The following IGFN1 variants were observed in gnomAD, a reference collection of about 807,000 sequenced individuals.
IGFN1 encodes the protein immunoglobulin like and fibronectin type III domain containing 1.
In IGFN1, 253 loss-of-function variants were observed where a neutral mutation model predicts 289.5. That is an observed-to-expected ratio of 0.87 (90% CI 0.79 to 0.97). The LOEUF is 0.97. Ranked by LOEUF, IGFN1 falls within the 50% of genes least tolerant of loss-of-function variation. The pLI, the probability that IGFN1 is intolerant of heterozygous loss-of-function variation, is 0.00. For missense variants in IGFN1, 4,470 were observed against 4,686.1 expected (o/e 0.95, Z 1.35); for synonymous variants, 1,706 against 1,788.5 (o/e 0.95, Z 1.16).
intron 17 of IGFN1, among the ~76,000 whole-genome samples, chr1:201,217,960 G>T (rs1653440631): frequency 6.6e-6 from 1 of 152,236 alleles, no homozygotes; most frequent in Non-Finnish European, 1.5e-5. Context: ...GAAACAAACT[G>T]CATTCTGAGA....
Position 201,205,085 on chromosome 1 carries a change from T to TC in IGFN1, c.926dup (p.Arg310LysfsTer12), listed in dbSNP as rs1343780347. 2.6e-6 allele frequency: 4 copies of TC among 1,537,052 alleles called. No homozygotes were observed. Among genetic ancestry groups the TC allele is most frequent in the South Asian group, 1.2e-5 (1 of 83,290 alleles). ...CCCATTCCTATTTCCCCGGCAGCCA[T>TC]CCCCCCAAGAGTGGTGGTCCCACTG... On this transcript the variant is annotated frameshift_variant, in exon 11 of 24. Transcript: ENST00000335211. LOFTEE classifies it high-confidence loss of function.
Position 201,203,830 on chromosome 1 carries a change from G to T in IGFN1, c.840G>T (p.Leu280=), listed in dbSNP as rs555987950. The change falls in exon 10 of 24, where the codon CTG becomes CTT. Residue 280 remains leucine (L), a synonymous_variant. Transcript: ENST00000335211. ...GKRYEFQIQD[L]RPEDSGIYQV... ...GCTATGAGTTCCAGATTCAAGACCTGAGGCCTGAGGACTCTGGCATTTACC... is the reference window on the plus strand; with the variant it reads ...GCTATGAGTTCCAGATTCAAGACCTTAGGCCTGAGGACTCTGGCATTTACC... 39 of 1,551,702 alleles carry T rather than the reference G, an allele frequency of 2.5e-5. 2 individuals carry two copies. The Admixed American group carries it at 7.6e-4, about 30-fold the overall frequency.
Position 201,217,300 on chromosome 1 carries a change from C to T in IGFN1, c.9609C>T (p.Ala3203=), listed in dbSNP as rs764098234. The change falls in exon 17 of 24, where the codon GCC becomes GCT. Residue 3203 remains alanine (A), a synonymous_variant. Coordinates refer to ENST00000335211, the MANE Select transcript of IGFN1 (RefSeq NM_001164586.2). ...ILVAPEALPK[A]PSAPAILSAS... is the part of the protein sequence containing the mutation. ...TCTTACCCCCAGCTCTCCCCAAGGC[C>T]CCTTCCGCGCCAGCCATCCTGTCGG... 6.2e-7 allele frequency: 1 copy of T among 1,613,878 alleles called. No individual in the cohort carries two copies. Among genetic ancestry groups the T allele is most frequent in the Non-Finnish European group, 8.5e-7 (1 of 1,179,982 alleles).
In IGFN1 at chr1:201,213,800, G is replaced by A. The variant is rs138433820; in HGVS notation, c.8728+179G>A. Among the ~76,000 whole-genome samples, 370 of 152,262 alleles carry A rather than the reference G, an allele frequency of 2.4e-3. 1 individual carries two copies. The highest frequency in any genetic ancestry group is 8.1e-3 in the African/African-American group (336 of 41,536). ...TAGGAAGCAACCTCTTCCTCTTTAC[G>A]CAGATGGGGTCCAGCCTGTGAGAGG... On this transcript the variant is annotated intron_variant, in intron 12 of 23. Transcript: ENST00000335211.
chr1:201,216,874 T>A, intron 16 of IGFN1, 121 bp downstream of exon 16: 1 of 775,892 alleles, frequency 1.3e-6, no homozygotes, highest in South Asian at 1.8e-5. Flanking sequence ...TCGGAGGCCC[T>A]TCTGTAGCAC....
intron 21 of IGFN1, among the ~76,000 whole-genome samples, chr1:201,225,371 T>TCC (rs1654009652): frequency 6.6e-6 from 1 of 152,186 alleles, no homozygotes; most frequent in African/African-American, 2.4e-5. Flanking sequence ...AATGCATGCC[T>TCC]TGTCCTGTGT....
At chr1:201,198,732 A>G (rs573902447) in intron 5 of IGFN1, among the ~76,000 whole-genome samples, 56 of 152,124 alleles carry the variant, frequency 3.7e-4, no homozygotes, top group Admixed American at 7.2e-4. Flanking sequence ...CAGTCCATCC[A>G]CCCTTTTTAT....
chr1:201,214,885 C>A, intron 13 of IGFN1, 128 bp from the exon 14 acceptor site: 1 of 916,614 alleles, frequency 1.1e-6, no homozygotes, highest in Non-Finnish European at 1.7e-6. Flanking sequence ...AGCATTGGCA[C>A]ACAATAAGCA....
At position 201,206,911 on chromosome 1, in the gene IGFN1, C is replaced by T; in HGVS notation, c.2018C>T (p.Pro673Leu). Reference sequence around the variant, plus strand: ...GGAGACAGCAATGGGGCAGGAGGTCCTGGCACCCTGGAGCTTACTGGAGGA... The same window carrying T: ...GGAGACAGCAATGGGGCAGGAGGTCTTGGCACCCTGGAGCTTACTGGAGGA... The part of the protein sequence containing the change: ...EAGDSNGAGG[P>L]GTLELTGGRG... Residue 673 changes from proline to leucine, a missense_variant, in exon 12 of 24, where the codon CCT (proline) becomes CTT (leucine). Pro to Leu is a moderately conservative substitution (Grantham distance 98, BLOSUM62 -3). This residue lies in a region of IGFN1 where 2,011 missense variants were observed against 1,953.4 expected (regional missense o/e 1.03). Transcript: ENST00000335211. The T allele has an allele frequency of 6.5e-7, 1 of 1,536,320 alleles. No individual in the cohort carries two copies. Among genetic ancestry groups the T allele is most frequent in the Non-Finnish European group, 8.7e-7 (1 of 1,146,480 alleles).
chr1:201,197,236 G>C lies in IGFN1; in HGVS notation c.286G>C (p.Glu96Gln). The C allele has an allele frequency of 6.4e-7, 1 of 1,550,680 alleles. No individual in the cohort carries two copies. The highest frequency in any genetic ancestry group is 8.7e-7 in the Non-Finnish European group (1 of 1,146,128). Residue 96 changes from glutamate to glutamine, a missense_variant, in exon 5 of 24, where the codon GAG (glutamate) becomes CAG (glutamine). By Grantham distance (29) the Glu-to-Gln change is conservative. Around this residue, in one of 8 missense-constraint regions of IGFN1, gnomAD observed 2,011 missense variants for 1,953.4 expected, o/e 1.03. Coordinates refer to ENST00000335211, the MANE Select transcript of IGFN1 (RefSeq NM_001164586.2). ...HVLQINKLTG[E>Q]DTDLYRCTAV... is the part of the protein sequence containing the mutation. ...TCTGCAGATCAACAAGCTGACAGGC[G>C]AGGACACGGATCTGTACCGCTGCAC...
At chr1:201,198,318 T>A (rs1411494956) in intron 5 of IGFN1, among the ~76,000 whole-genome samples, 1 of 152,236 alleles carries the variant, frequency 6.6e-6, no homozygotes, top group Non-Finnish European at 1.5e-5. Flanking sequence ...GTATTTTTAG[T>A]TGAGACAGGG....
chr1:201,217,164 A>G, intron 16 of IGFN1, 123 bp from the exon 17 acceptor site: 2 of 839,332 alleles, frequency 2.4e-6, no homozygotes, highest in Non-Finnish European at 3.8e-6. Context: ...CAGCCCCGAC[A>G]CTCACCAGGA....
Position 201,212,788 on chromosome 1 carries a change from A to G in IGFN1, c.7895A>G (p.Gln2632Arg), listed in dbSNP as rs563015014. 38 of 1,551,480 alleles carry G rather than the reference A, an allele frequency of 2.4e-5. No homozygotes were observed. The South Asian group carries it at 4.5e-4, about 18-fold the overall frequency. Residue 2632 changes from glutamine to arginine, a missense_variant, in exon 12 of 24, where the codon CAG (glutamine) becomes CGG (arginine). Around this residue, in one of 8 missense-constraint regions of IGFN1, gnomAD observed 2,218 missense variants for 2,114.1 expected, o/e 1.05. Coordinates refer to ENST00000335211, the MANE Select transcript of IGFN1 (RefSeq NM_001164586.2). ...GCTTGGGCTCCTGATTGGGAAAACCAGGGGTTTAGCCAAGGCAGCATAGAT... is the reference window on the plus strand; with the variant it reads ...GCTTGGGCTCCTGATTGGGAAAACCGGGGGTTTAGCCAAGGCAGCATAGAT... ...SNAWAPDWEN[Q>R]GFSQGSIDAG...
In IGFN1 at chr1:201,226,466, G is replaced by A. The variant is rs140020772; in HGVS notation, c.10786+343G>A. Among the ~76,000 whole-genome samples the A allele has an allele frequency of 4.8e-3, 729 of 152,284 alleles. 8 individuals are homozygous for A. Among genetic ancestry groups the A allele is most frequent in the African/African-American group, 0.016 (676 of 41,548 alleles). On this transcript the variant is annotated intron_variant, in intron 22 of 23. Transcript: ENST00000335211. The stretch of plus-strand genomic sequence containing the variant: ...CTGAAAACAAAGTGTATATTTTACC[G>A]CAAAGTAGATGTGGACCTTAAGATC...
rs1402655674 is a variant in IGFN1 at position 201,221,474 on chromosome 1, TCA to T, written c.9932_9933del (p.Thr3311ArgfsTer21). On this transcript the variant is annotated frameshift_variant, in exon 19 of 24. Coordinates refer to ENST00000335211, the MANE Select transcript of IGFN1 (RefSeq NM_001164586.2). LOFTEE classifies it high-confidence loss of function. ...CCTGGGCTGGTGAGGAATCTCCAAG[TCA>T]CAGACAGATCGAACACCAGCATCAC... 6.2e-7 allele frequency: 1 copy of T among 1,609,262 alleles called. No individual in the cohort carries two copies. Among genetic ancestry groups the T allele is most frequent in the South Asian group, 1.1e-5 (1 of 89,856 alleles).
At chr1:201,200,439 TCCATGCCCACC>T (rs1667103431) in intron 8 of IGFN1, 28 bp downstream of exon 8, 2 of 1,528,800 alleles carry the variant, frequency 1.3e-6, no homozygotes. Flanking sequence ...CACCCCTCAC[TCCATGCCCACC>T]CCACACACCT....
chr1:201,222,768 A>T lies in IGFN1; in HGVS notation c.10231A>T (p.Thr3411Ser). ...VCPKFLVDSS[T>S]KDLLTVKVGD... ...TCCCAAGTTCCTCGTGGACTCCAGCACCAAGGACTTGCTGACAGTCAAGGT... is the reference window on the plus strand; with the variant it reads ...TCCCAAGTTCCTCGTGGACTCCAGCTCCAAGGACTTGCTGACAGTCAAGGT... Residue 3411 changes from threonine to serine, a missense_variant, in exon 20 of 24, where the codon ACC becomes TCC. Transcript: ENST00000335211. The T allele has an allele frequency of 6.2e-7, 1 of 1,613,410 alleles. No individual in the cohort carries two copies. The highest frequency in any genetic ancestry group is 8.5e-7 in the Non-Finnish European group (1 of 1,179,542).
chr1:201,219,219 A>G (rs542801205), intron 18 of IGFN1, among the ~76,000 whole-genome samples: 1 of 152,316 alleles, frequency 6.6e-6, no homozygotes, highest in Non-Finnish European at 1.5e-5. Context: ...GTAACAGGGG[A>G]AGCTCAGCAT....
Position 201,208,010 on chromosome 1 carries a change from T to TA in IGFN1, c.3122dup (p.Asn1041LysfsTer7). 6.5e-7 allele frequency: 1 copy of TA among 1,536,736 alleles called. No individual in the cohort carries two copies. The highest frequency in any genetic ancestry group is 8.7e-7 in the Non-Finnish European group (1 of 1,146,802). On this transcript the variant is annotated frameshift_variant, in exon 12 of 24. Coordinates refer to ENST00000335211, the MANE Select transcript of IGFN1 (RefSeq NM_001164586.2). LOFTEE classifies it high-confidence loss of function. Reference sequence around the variant, plus strand: ...GAGGGTCTGGGAGAGTTGCCAGTCTTAAAAATGGCTCAGGTGGTCCTGATG... The same window carrying TA: ...GAGGGTCTGGGAGAGTTGCCAGTCTTAAAAAATGGCTCAGGTGGTCCTGATG...
Sources: gnomAD v4.1 joint callset for allele counts (sites outside exome capture counted in the v4.1 genomes callset) on GRCh38, gnomAD v4.1.1 for gene constraint, gnomAD v4.1.1 regional missense constraint, MANE v1.5 for transcripts, NCBI Gene and HGNC (gene_info 2026-07-23, HGNC 2026-07-21) for gene names.